CFAP20DC: variants seen among roughly 807,000 people sequenced by gnomAD.
CFAP20DC encodes the protein protein CFAP20DC.
CFAP20DC carries 84 observed loss-of-function variants against 101.7 expected under a neutral mutation model. The ratio of observed to expected loss-of-function variants is 0.83; its 90% confidence interval spans 0.69 to 0.99. CFAP20DC has a LOEUF of 0.99. CFAP20DC is among the 50% of genes least tolerant of loss of function. CFAP20DC has a pLI of 0.00. For synonymous variants in CFAP20DC, 359 were observed against 351.2 expected (o/e 1.02, Z -0.25); for missense variants, 1,007 against 970.3 (o/e 1.04, Z -0.50).
rs1228728875 is a variant in CFAP20DC at position 59,002,119 on chromosome 3, G to A, written c.278+37438C>T. On this transcript the variant is annotated intron_variant, in intron 4 of 16. Coordinates refer to ENST00000482387, the MANE Select transcript of CFAP20DC (RefSeq NM_001394063.1). The surrounding 1 kb of genome is among the most constrained non-coding windows in gnomAD (Gnocchi z 4.5). ...CAGAGCCTGAAAGAACTGAGTTGGG[G>A]ATCCCAGCTCTGTTATCCCACTGAC... is the stretch of plus-strand genomic sequence containing the variant. Among the ~76,000 whole-genome samples, 1 of 152,156 alleles carries A rather than the reference G, an allele frequency of 6.6e-6. No individual in the cohort carries two copies. The highest frequency in any genetic ancestry group is 1.5e-5 in the Non-Finnish European group (1 of 68,028).
intron 15 of CFAP20DC, among the ~76,000 whole-genome samples, chr3:58,768,058 G>A (rs1427353509): frequency 6.6e-6 from 1 of 152,156 alleles, no homozygotes; most frequent in Non-Finnish European, 1.5e-5. Context: ...AGAGAGCTAA[G>A]GGACTGTTCA....
chr3:58,886,645 G>C (rs1409271476), intron 6 of CFAP20DC, among the ~76,000 whole-genome samples: 1 of 152,048 alleles, frequency 6.6e-6, no homozygotes, highest in Non-Finnish European at 1.5e-5. Context: ...CTGGGCGGTG[G>C]AGGCTGCAGT....
chr3:59,007,237 T>G lies in CFAP20DC; in HGVS notation c.278+32320A>C, dbSNP rs2093458571. Among the ~76,000 whole-genome samples, 2 of 152,130 alleles carry G rather than the reference T, an allele frequency of 1.3e-5. No individual in the cohort carries two copies. The highest frequency in any genetic ancestry group is 1.3e-4 in the Admixed American group (2 of 15,278). On this transcript the variant is annotated intron_variant, in intron 4 of 16. Transcript: ENST00000482387. The surrounding 1 kb of genome is among the most constrained non-coding windows in gnomAD (Gnocchi z 4.4). ...ATACTCACCTAATCCTGCCCCCATC[T>G]GAAGGTACTCCTCTACCCGCCCTGG...
At position 58,831,844 on chromosome 3, in the gene CFAP20DC, C is replaced by A. The variant is rs753270017; in HGVS notation, c.2017G>T (p.Glu673Ter). 3 of 1,614,066 alleles carry A rather than the reference C, an allele frequency of 1.9e-6. No homozygotes were observed. The East Asian group carries it at 6.7e-5, about 36-fold the overall frequency. The change falls in exon 14 of 17, where the codon GAG becomes TAG. Residue 673 changes from glutamate to a stop codon, truncating the protein, a stop_gained. Transcript: ENST00000482387. LOFTEE classifies it high-confidence loss of function. ...CGTAGGCTTGCTAGCATCTGTAACT[C>A]GGATTCACTCATCTGGCTTGGCTGA... ...NYQPSQMSES[E>*]LQMLASLRWQ...
intron 14 of CFAP20DC, among the ~76,000 whole-genome samples, chr3:58,817,580 A>G (rs1319379422): frequency 6.9e-6 from 1 of 144,106 alleles, no homozygotes; most frequent in African/African-American, 2.6e-5. Context: ...CGAGAAGGGA[A>G]GTTTAGAGAA....
chr3:58,754,557 G>C (rs1250269956), intron 15 of CFAP20DC, among the ~76,000 whole-genome samples: 1 of 152,114 alleles, frequency 6.6e-6, no homozygotes, highest in African/African-American at 2.4e-5. Context: ...CTTCACTAGT[G>C]GTAAGGAGCA....
rs1357627577 is a variant in CFAP20DC, at chr3:58,849,140, G to A, written c.1863C>T (p.Pro621=). The A allele has an allele frequency of 3.3e-6, 5 of 1,535,790 alleles. No individual in the cohort carries two copies. The Admixed American group carries it at 5.9e-5, about 18-fold the overall frequency. The change falls in exon 13 of 17, where the codon CCC becomes CCT. Residue 621 remains proline (P), a synonymous_variant. Coordinates refer to ENST00000482387, the MANE Select transcript of CFAP20DC (RefSeq NM_001394063.1). The part of the protein sequence containing the change: ...RCGSCQKTPE[P]VIKAKDLSAQ... Reference sequence around the variant, plus strand: ...CTGATAGATCCTTCGCTTTGATTACGGGCTCTGGAGTTTTCTGACAGGACC... The same window carrying A: ...CTGATAGATCCTTCGCTTTGATTACAGGCTCTGGAGTTTTCTGACAGGACC...
rs1219541224 is a variant in CFAP20DC, at chr3:58,930,748, T to A, written c.393+6900A>T. Among the ~76,000 whole-genome samples, 10 of 152,166 alleles carry A rather than the reference T, an allele frequency of 6.6e-5. No homozygotes were observed. In the East Asian group the frequency reaches 1.7e-3, roughly 26 times the overall value. On this transcript the variant is annotated intron_variant, in intron 5 of 16. Transcript: ENST00000482387. ...ACTGGTTTTCCACTTATAAAAGTGG[T>A]ATAAAGTTTTCTTTTAAATTAAATT...
At chr3:58,946,535 C>G (rs2089389625) in intron 4 of CFAP20DC, among the ~76,000 whole-genome samples, 1 of 152,118 alleles carries the variant, frequency 6.6e-6, no homozygotes, top group Non-Finnish European at 1.5e-5. Flanking sequence ...GTCCAAGTTT[C>G]TTGTCTTGTT....
chr3:58,780,714 C>T (rs1319494075), intron 15 of CFAP20DC, among the ~76,000 whole-genome samples: 4 of 151,704 alleles, frequency 2.6e-5, no homozygotes. Flanking sequence ...TATGTAATGA[C>T]AAAAGTAAGC....
intron 6 of CFAP20DC, among the ~76,000 whole-genome samples, chr3:58,908,721 C>A (rs2083851104): frequency 6.6e-6 from 1 of 152,168 alleles, no homozygotes; most frequent in South Asian, 2.1e-4. Flanking sequence ...CAGTTTTATT[C>A]ATAATTGCAA....
chr3:58,893,999 C>T (rs2082468620), intron 6 of CFAP20DC, among the ~76,000 whole-genome samples: 1 of 152,132 alleles, frequency 6.6e-6, no homozygotes, highest in Non-Finnish European at 1.5e-5. Flanking sequence ...GGGAAACTCC[C>T]CTTTTTAAAA....
At chr3:58,947,498 C>T (rs560056693) in intron 4 of CFAP20DC, among the ~76,000 whole-genome samples, 7 of 152,236 alleles carry the variant, frequency 4.6e-5, no homozygotes, top group South Asian at 2.1e-4. Flanking sequence ...AGGTATTGCT[C>T]GGAGAACTTA....
intron 16 of CFAP20DC, among the ~76,000 whole-genome samples, chr3:58,751,402 A>G (rs1309635917): frequency 1.3e-5 from 2 of 152,156 alleles, no homozygotes; most frequent in Non-Finnish European, 2.9e-5. Context: ...GCAGTTCCAT[A>G]TCCAACGATC....
At chr3:58,752,791 A>G (rs1369941165) in intron 16 of CFAP20DC, among the ~76,000 whole-genome samples, 3 of 152,122 alleles carry the variant, frequency 2.0e-5, no homozygotes, top group Non-Finnish European at 4.4e-5. Context: ...TGAATTCTCC[A>G]TACCTAAAGA....
chr3:58,870,761 G>A (rs1327135165), intron 7 of CFAP20DC, among the ~76,000 whole-genome samples: 6 of 148,300 alleles, frequency 4.0e-5, no homozygotes, highest in East Asian at 2.0e-4. Context: ...GGTGGCGGGC[G>A]CCTGTAGTCC....
chr3:59,038,119 C>A (rs1402042389), intron 4 of CFAP20DC, among the ~76,000 whole-genome samples: 2 of 151,964 alleles, frequency 1.3e-5, no homozygotes, highest in African/African-American at 2.4e-5. Context: ...CACACCAGGG[C>A]CTATCAGGGG....
Position 58,748,299 on chromosome 3 carries a change from T to G in CFAP20DC, c.2332+5470A>C, listed in dbSNP as rs1199282217. 2.0e-5 allele frequency among the ~76,000 whole-genome samples: 3 copies of G among 152,152 alleles called. No individual in the cohort carries two copies. In the East Asian group the frequency reaches 5.8e-4, roughly 29 times the overall value. ...TTTAAGCAAGGTATCAACGTTGAGC[T>G]ATGGGAAAATGCATCCCAATTCCAG... is the stretch of plus-strand genomic sequence containing the variant. On this transcript the variant is annotated intron_variant, in intron 16 of 16. Coordinates refer to ENST00000482387, the MANE Select transcript of CFAP20DC (RefSeq NM_001394063.1).
intron 14 of CFAP20DC, among the ~76,000 whole-genome samples, chr3:58,807,484 C>T (rs1479940592): frequency 6.6e-6 from 1 of 152,216 alleles, no homozygotes; most frequent in African/African-American, 2.4e-5. Context: ...TAGCAAACTC[C>T]AACAGACCTG....
Sources: allele counts gnomAD v4.1 joint callset (sites outside exome capture counted in the v4.1 genomes callset), GRCh38; gene constraint gnomAD v4.1.1; non-coding constraint Gnocchi (gnomAD v3.1); transcripts MANE v1.5; gene names NCBI Gene and HGNC (gene_info 2026-07-23, HGNC 2026-07-21).